The following SMNDC1 variants were observed in gnomAD, a reference collection of about 807,000 sequenced individuals.
SMNDC1 encodes the protein survival of motor neuron-related-splicing factor 30.
SMNDC1 carries 5 observed loss-of-function variants against 29.2 expected under a neutral mutation model. The observed-to-expected ratio is 0.17, with a 90% CI of 0.09 to 0.36. SMNDC1 has a LOEUF of 0.36. SMNDC1 is among the 10% of genes least tolerant of loss of function. SMNDC1 has a pLI of 1.00. For missense variants in SMNDC1, 142 were observed against 268.5 expected (o/e 0.53, Z 3.29); for synonymous variants, 80 against 89.9 (o/e 0.89, Z 0.62).
Position 110,291,278 on chromosome 10 carries a change from C to CA in SMNDC1, c.*2871dup, listed in dbSNP as rs1216163634. ...CCACAAATTCCTCTTTAATTTTAAA[C>CA]AAGCATTAGGGGTGACTTTTATTAT... is the stretch of plus-strand genomic sequence containing the variant. On this transcript the variant is annotated 3_prime_UTR_variant, in exon 6 of 6. Coordinates refer to ENST00000369603, the MANE Select transcript of SMNDC1 (RefSeq NM_005871.4). The CA allele has an allele frequency of 6.6e-6, 1 of 152,196 alleles. No individual in the cohort carries two copies. The highest frequency in any genetic ancestry group is 1.5e-5 in the Non-Finnish European group (1 of 68,018). 9.4% of individuals were successfully genotyped at this position (152,196 alleles called of 1,614,324 possible). A position where few individuals can be genotyped will look rare whatever the true frequency, so the allele number is the denominator to read the frequency against.
chr10:110,302,008 C>T (rs1857657770), intron 2 of SMNDC1, among the ~76,000 whole-genome samples: 2 of 152,360 alleles, frequency 1.3e-5, no homozygotes, highest in South Asian at 2.1e-4. Flanking sequence ...CCTCCTCCCA[C>T]TGCCCAAGAA....
rs1314675671 is a variant in SMNDC1, at chr10:110,290,741, ATAAAACC to A, written c.*3402_*3408del. The A allele has an allele frequency of 1.3e-5, 2 of 152,246 alleles. No individual in the cohort carries two copies. Among genetic ancestry groups the A allele is most frequent in the African/African-American group, 4.8e-5 (2 of 41,468 alleles). The allele number at this position is 152,246 out of a possible 1,614,324, so 9.4% of individuals were successfully genotyped here. A position where few individuals can be genotyped will look rare whatever the true frequency, so the allele number is the denominator to read the frequency against. ...TTATTGAATCAAGATTTAAAAAAATATAAAACCTCATTGGTTTTAATAGATTTTCTTC... is the reference window on the plus strand; with the variant it reads ...TTATTGAATCAAGATTTAAAAAAATATCATTGGTTTTAATAGATTTTCTTC... On this transcript the variant is annotated 3_prime_UTR_variant, in exon 6 of 6. Transcript: ENST00000369603.
intron 2 of SMNDC1, among the ~76,000 whole-genome samples, chr10:110,301,156 C>G (rs958940318): frequency 6.6e-6 from 1 of 152,066 alleles, no homozygotes; most frequent in Non-Finnish European, 1.5e-5. Flanking sequence ...GAGGAAGCCA[C>G]AAAATCAGTC....
intron 4 of SMNDC1, among the ~76,000 whole-genome samples, chr10:110,297,348 ATCT>A (rs1474501317): frequency 1.3e-5 from 2 of 152,188 alleles, no homozygotes; most frequent in Non-Finnish European, 2.9e-5. Context: ...GTACATAGTT[ATCT>A]TCTTAATATT....
chr10:110,299,275 A>G (rs993290392), intron 2 of SMNDC1, among the ~76,000 whole-genome samples: 3 of 152,214 alleles, frequency 2.0e-5, no homozygotes, highest in Non-Finnish European at 4.4e-5. Flanking sequence ...CTACTTATAC[A>G]TATCTCGACT....
At chr10:110,297,876 G>A in intron 3 of SMNDC1, 148 bp from the exon 4 acceptor site, 1 of 686,790 alleles carries the variant, frequency 1.5e-6, no homozygotes, top group East Asian at 2.9e-5. Context: ...ATACAAAAGA[G>A]TGGTTGAAGT....
intron 3 of SMNDC1, among the ~76,000 whole-genome samples, chr10:110,298,006 T>C (rs1411764998): frequency 6.6e-6 from 1 of 152,212 alleles, no homozygotes; most frequent in East Asian, 1.9e-4. Context: ...TTTTCTCTTT[T>C]TTGCGACAGA....
In SMNDC1 at chr10:110,294,053, G is replaced by C. The variant is rs1590425002; in HGVS notation, c.*97C>G. On this transcript the variant is annotated 3_prime_UTR_variant, in exon 6 of 6. Coordinates refer to ENST00000369603, the MANE Select transcript of SMNDC1 (RefSeq NM_005871.4). ...CAACCAATGACGACAATGGTATCTT[G>C]CTTACTCATCTAACAAATAATTTAC... is the stretch of plus-strand genomic sequence containing the variant. 2.1e-6 allele frequency: 2 copies of C among 951,280 alleles called. No individual in the cohort carries two copies. The highest frequency in any genetic ancestry group is 3.0e-6 in the Non-Finnish European group (2 of 670,582). 58.9% of individuals were successfully genotyped at this position (951,280 alleles called of 1,614,324 possible).
At chr10:110,300,108 T>C (rs1052798705) in intron 2 of SMNDC1, among the ~76,000 whole-genome samples, 3 of 152,090 alleles carry the variant, frequency 2.0e-5, no homozygotes, top group South Asian at 2.1e-4. Context: ...CTTTTAGGGG[T>C]AGGAATGTAA....
chr10:110,297,576 G>A lies in SMNDC1; in HGVS notation c.416C>T (p.Pro139Leu). 3 of 1,612,922 alleles carry A rather than the reference G, an allele frequency of 1.9e-6. No homozygotes were observed. The highest frequency in any genetic ancestry group is 2.5e-6 in the Non-Finnish European group (3 of 1,179,566). Reference protein sequence around the residue: ...RKAKEDSGNKPMSKKEMIAQQ... With the variant: ...RKAKEDSGNKLMSKKEMIAQQ... ...AGTCAAAGTCACTTACTTTGACATG[G>A]GTTTGTTGCCACTGTCCTCCTTTGC... Residue 139 changes from proline (P) to leucine (L), a missense_variant, in exon 4 of 6, where the codon CCC becomes CTC. This residue lies in a region of SMNDC1 where 54 missense variants were observed against 152.1 expected (regional missense o/e 0.36). Transcript: ENST00000369603.
intron 4 of SMNDC1, among the ~76,000 whole-genome samples, chr10:110,297,081 C>T (rs1479720357): frequency 6.6e-6 from 1 of 152,194 alleles, no homozygotes; most frequent in Non-Finnish European, 1.5e-5. Context: ...GGCTCTTACT[C>T]TTTTCAAATC....
chr10:110,299,194 T>A (rs534876428), intron 2 of SMNDC1, among the ~76,000 whole-genome samples: 7 of 152,348 alleles, frequency 4.6e-5, no homozygotes, highest in Admixed American at 3.3e-4. Context: ...TTATAGGGCA[T>A]TACTCAGCAG....
rs1249752841 is a variant in SMNDC1 at position 110,293,992 on chromosome 10, CA to C, written c.*157del. The C allele has an allele frequency of 2.8e-5, 15 of 545,226 alleles. No homozygotes were observed. Among genetic ancestry groups the C allele is most frequent in the Non-Finnish European group, 4.0e-5 (13 of 325,860 alleles). The allele number at this position is 545,226 out of a possible 1,614,324, so 33.8% of individuals were successfully genotyped here. ...GAAAAGTTAAATGAATAGCAGTTAT[CA>C]AATGCAATTTCTTCACGTTTCATTC... is the stretch of plus-strand genomic sequence containing the variant. On this transcript the variant is annotated 3_prime_UTR_variant, in exon 6 of 6. Coordinates refer to ENST00000369603, the MANE Select transcript of SMNDC1 (RefSeq NM_005871.4).
At chr10:110,297,459 G>T in intron 4 of SMNDC1, 108 bp downstream of exon 4, 1 of 1,006,218 alleles carries the variant, frequency 9.9e-7, no homozygotes, top group Non-Finnish European at 1.5e-6. Context: ...TCAAAACAAC[G>T]GTAAAACAGT....
chr10:110,298,781 C>A lies in SMNDC1; in HGVS notation c.130G>T (p.Glu44Ter). ...KLKKDLQEVI[E>*]LTKDLLSTQP... ...GTTGACAGAAGGTCTTTGGTTAGTT[C>A]TATAACTTCCTAAAAAAGAAAAACA... The change falls in exon 3 of 6, where the codon GAA (glutamate) becomes TAA (stop). Residue 44 changes from glutamate (E) to a stop codon, truncating the protein, a stop_gained. Coordinates refer to ENST00000369603, the MANE Select transcript of SMNDC1 (RefSeq NM_005871.4). LOFTEE classifies it high-confidence loss of function. 6.3e-7 allele frequency: 1 copy of A among 1,594,252 alleles called. No individual in the cohort carries two copies. Among genetic ancestry groups the A allele is most frequent in the South Asian group, 1.1e-5 (1 of 87,650 alleles).
chr10:110,294,326 T>G, intron 5 of SMNDC1, 39 bp from the exon 6 acceptor site: 1 of 1,515,690 alleles, frequency 6.6e-7, no homozygotes. Flanking sequence ...TGATTAGTGT[T>G]GGAAAAAATA....
chr10:110,294,148 G>C lies in SMNDC1; in HGVS notation c.*2C>G. 2 of 1,576,224 alleles carry C rather than the reference G, an allele frequency of 1.3e-6. No individual in the cohort carries two copies. Among genetic ancestry groups the C allele is most frequent in the Non-Finnish European group, 8.6e-7 (1 of 1,166,280 alleles). On this transcript the variant is annotated 3_prime_UTR_variant, in exon 6 of 6. Coordinates refer to ENST00000369603, the MANE Select transcript of SMNDC1 (RefSeq NM_005871.4). ...AGAGATGAAATCCAACAGTTTTTCT[G>C]ATTATTGAGGCATCAAATGCCTGAC...
chr10:110,303,784 G>A, intron 1 of SMNDC1, 197 bp from the exon 2 acceptor site: 1 of 508,734 alleles, frequency 2.0e-6, no homozygotes, highest in Non-Finnish European at 3.4e-6. Context: ...CAGATTCTGA[G>A]GATTATAAAC....
At chr10:110,304,541 C>T (rs1374406571) in intron 1 of SMNDC1, 1 of 152,140 alleles carries the variant, frequency 6.6e-6, no homozygotes, top group African/African-American at 2.4e-5. Flanking sequence ...CCCCTGCGGG[C>T]CGTGTTTGCC....
Sources: allele counts gnomAD v4.1 joint callset (sites outside exome capture counted in the v4.1 genomes callset), GRCh38; gene constraint gnomAD v4.1.1; regional missense constraint gnomAD v4.1.1; transcripts MANE v1.5; gene names NCBI Gene and HGNC (gene_info 2026-07-23, HGNC 2026-07-21).